ATP2A2: variants seen among roughly 807,000 people sequenced by gnomAD.
The protein encoded by ATP2A2 is ATPase sarcoplasmic/endoplasmic reticulum Ca2+ transporting 2, also known as sarcoplasmic/endoplasmic reticulum calcium ATPase 2.
ATP2A2 carries 14 observed loss-of-function variants against 109.3 expected under a neutral mutation model. The observed-to-expected ratio is 0.13, with a 90% confidence interval of 0.08 to 0.20. The LOEUF (loss-of-function observed/expected upper bound fraction) is 0.20, where lower values mean the gene tolerates loss of function less well. Ranked by LOEUF, ATP2A2 falls within the 10% of genes least tolerant of loss-of-function variation. ATP2A2 has a pLI of 1.00. For synonymous variants in ATP2A2, 506 were observed against 490.9 expected (o/e 1.03, Z -0.41); for missense variants, 657 against 1,321.6 (o/e 0.50, Z 7.80).
rs1431340864 is a variant in ATP2A2 at position 110,328,797 on chromosome 12, G to A, written c.1095+780G>A. Among the ~76,000 whole-genome samples, 6 of 152,092 alleles carry A rather than the reference G, an allele frequency of 3.9e-5. No homozygotes were observed. The South Asian group carries it at 8.3e-4, about 21-fold the overall frequency. ...TCACCAGGCTGGTCTTGAATTCCTG[G>A]GCTCAAGTGATCCTCCTGCCTTGGC... On this transcript the variant is annotated intron_variant, in intron 8 of 19. Transcript: ENST00000539276.
At position 110,345,230 on chromosome 12, in the gene ATP2A2, TGATTG is replaced by T; in HGVS notation, c.2608-14_2608-10del. On this transcript the variant is annotated splice_polypyrimidine_tract_variant and intron_variant, in intron 17 of 19. Coordinates refer to ENST00000539276, the MANE Select transcript of ATP2A2 (RefSeq NM_170665.4). ...GAAATATACTGGGCTGATAGGAATT[TGATTG>T]GATTTTCTTGCAGAGTCATTTCCTA... 1 of 1,614,102 alleles carries T rather than the reference TGATTG, an allele frequency of 6.2e-7. No homozygotes were observed. Among genetic ancestry groups the T allele is most frequent in the South Asian group, 1.1e-5 (1 of 91,072 alleles).
rs922949795 is a variant in ATP2A2, at chr12:110,305,237, G to GA, written c.463+8507dup. Reference sequence around the variant, plus strand: ...GCAAGAGCCACCATGCCCAGCCTAGGAAAAAAACACTTTTAAATTAGCCAG... The same window carrying GA: ...GCAAGAGCCACCATGCCCAGCCTAGGAAAAAAAACACTTTTAAATTAGCCAG... On this transcript the variant is annotated intron_variant, in intron 5 of 19. Coordinates refer to ENST00000539276, the MANE Select transcript of ATP2A2 (RefSeq NM_170665.4). Among the ~76,000 whole-genome samples, 6 of 152,116 alleles carry GA rather than the reference G, an allele frequency of 3.9e-5. No individual in the cohort carries two copies. In the East Asian group the frequency reaches 1.2e-3, roughly 29 times the overall value.
Position 110,294,056 on chromosome 12 carries a change from T to C in ATP2A2, c.324+1932T>C, listed in dbSNP as rs374771939. 9.9e-4 allele frequency among the ~76,000 whole-genome samples: 150 copies of C among 151,402 alleles called. 1 individual carries two copies. The South Asian group carries it at 0.013, about 13-fold the overall frequency. ...CATGCCTGGCTGTTGTTTTTTTTGT[T>C]TTTTTGAGACAGAGTCTCACTCTGT... On this transcript the variant is annotated intron_variant, in intron 4 of 19. Coordinates refer to ENST00000539276, the MANE Select transcript of ATP2A2 (RefSeq NM_170665.4).
chr12:110,281,549 G>C lies in ATP2A2; in HGVS notation c.-241G>C, dbSNP rs1489828372. 2 of 266,530 alleles carry C rather than the reference G, an allele frequency of 7.5e-6. No individual in the cohort carries two copies. The highest frequency in any genetic ancestry group is 1.4e-5 in the Non-Finnish European group (2 of 141,670). 16.5% of individuals were successfully genotyped at this position (266,530 alleles called of 1,614,324 possible). A position where few individuals can be genotyped will look rare whatever the true frequency, so the allele number is the denominator to read the frequency against. On this transcript the variant is annotated 5_prime_UTR_variant, in exon 1 of 20. Transcript: ENST00000539276. ...CCCTCCCTTCTGGCGAGGGGAGGGAGGGTGGGTCAGGAGCCCCCAACCCGC... is the reference window on the plus strand; with the variant it reads ...CCCTCCCTTCTGGCGAGGGGAGGGACGGTGGGTCAGGAGCCCCCAACCCGC...
chr12:110,343,478 T>G, intron 16 of ATP2A2, 44 bp downstream of exon 16: 4 of 1,604,012 alleles, frequency 2.5e-6, no homozygotes, highest in Non-Finnish European at 3.4e-6. Context: ...AACAAAATGT[T>G]TGTGAGCTGA....
intron 11 of ATP2A2, among the ~76,000 whole-genome samples, chr12:110,338,260 T>A (rs1879029126): frequency 1.3e-5 from 2 of 152,184 alleles, no homozygotes; most frequent in Admixed American, 6.5e-5. Flanking sequence ...TAAAAACACT[T>A]CCTTAGATGC....
intron 11 of ATP2A2, 50 bp downstream of exon 11, chr12:110,334,193 A>C: frequency 6.2e-7 from 1 of 1,606,254 alleles, no homozygotes; most frequent in Non-Finnish European, 8.5e-7. Context: ...CAGTCGTACT[A>C]TATATACTTA....
chr12:110,320,037 T>C (rs895415045), intron 5 of ATP2A2, among the ~76,000 whole-genome samples: 4 of 152,188 alleles, frequency 2.6e-5, no homozygotes, highest in Non-Finnish European at 5.9e-5. Flanking sequence ...GGGTAAGGGA[T>C]ACTCAACCTG....
chr12:110,345,566 CT>C, intron 18 of ATP2A2, 184 bp downstream of exon 18: 1 of 940,190 alleles, frequency 1.1e-6, no homozygotes, highest in Non-Finnish European at 1.6e-6. Flanking sequence ...AGTGGGAGTG[CT>C]TAGCCCTGTG....
intron 5 of ATP2A2, among the ~76,000 whole-genome samples, chr12:110,309,908 CAAA>C (rs58660341): frequency 1.3e-4 from 18 of 135,722 alleles, no homozygotes; most frequent in Non-Finnish European, 1.9e-4. Context: ...GACCCTGACT[CAAA>C]AAAAAAAAAA....
chr12:110,286,112 T>C (rs1273970765), intron 3 of ATP2A2, among the ~76,000 whole-genome samples: 1 of 151,992 alleles, frequency 6.6e-6, no homozygotes, highest in Non-Finnish European at 1.5e-5. Context: ...TTAGTAGAGA[T>C]GGGGTTTACC....
Position 110,346,419 on chromosome 12 carries a change from G to C in ATP2A2, c.3078G>C (p.Val1026=). The C allele has an allele frequency of 6.2e-7, 1 of 1,614,226 alleles. No individual in the cohort carries two copies. Among genetic ancestry groups the C allele is most frequent in the Non-Finnish European group, 8.5e-7 (1 of 1,180,042 alleles). The part of the protein sequence containing the change: ...WPFVLLIMPL[V]IWVYSTDTNF... ...TTGTGCTGCTCATAATGCCCCTGGT[G>C]ATCTGGGTCTATAGCACAGACACTA... The change falls in exon 20 of 20, where the codon GTG becomes GTC. Residue 1026 remains valine, a synonymous_variant. Coordinates refer to ENST00000539276, the MANE Select transcript of ATP2A2 (RefSeq NM_170665.4).
rs368310194 is a variant in ATP2A2, at chr12:110,333,183, A to G, written c.1187A>G (p.His396Arg). ...AAGAGTGTTTTCTCTTTGGGCAGGC[A>G]TAAAGATGATAAACCAGTGAATTGT... ...GSTYAPIGEV[H>R]KDDKPVNCHQ... is the part of the protein sequence containing the mutation. Residue 396 changes from histidine to arginine, a missense_variant and splice_region_variant, in exon 10 of 20, where the codon CAT becomes CGT. His to Arg is a conservative substitution (Grantham distance 29, BLOSUM62 0). Coordinates refer to ENST00000539276, the MANE Select transcript of ATP2A2 (RefSeq NM_170665.4). 5.6e-6 allele frequency: 9 copies of G among 1,613,092 alleles called. No homozygotes were observed. The African/African-American group carries it at 1.1e-4, about 19-fold the overall frequency.
intron 4 of ATP2A2, among the ~76,000 whole-genome samples, chr12:110,293,940 G>A (rs141317973): frequency 0.059 from 8,057 of 137,190 alleles, 310 homozygotes; most frequent in South Asian, 0.16. Flanking sequence ...GCAGTGGTGT[G>A]ATTTTGGCTC....
chr12:110,289,741 A>T (rs559101130), intron 3 of ATP2A2, among the ~76,000 whole-genome samples: 2 of 152,176 alleles, frequency 1.3e-5, no homozygotes, highest in African/African-American at 2.4e-5. Context: ...TTTTTTAATT[A>T]AAAAAAATTC....
chr12:110,293,418 G>A (rs1166527626), intron 4 of ATP2A2, among the ~76,000 whole-genome samples: 1 of 120,996 alleles, frequency 8.3e-6, no homozygotes, highest in East Asian at 2.6e-4. Flanking sequence ...TGTTTTGACC[G>A]ACTTTCACTC....
chr12:110,287,649 C>T (rs1424669898), intron 3 of ATP2A2, among the ~76,000 whole-genome samples: 3 of 152,152 alleles, frequency 2.0e-5, no homozygotes, highest in African/African-American at 2.4e-5. Context: ...GAGTCCTGCT[C>T]TGTCGCCCAG....
rs370111168 is a variant in ATP2A2 at position 110,349,860 on chromosome 12, A to G, written c.*3390A>G. ...AGGAGTTTCCTCTCCAGGGCTAGGC[A>G]AGGCAGGCGAGCAGCCAGAAGCCGG... On this transcript the variant is annotated 3_prime_UTR_variant, in exon 20 of 20. Transcript: ENST00000539276. 5.7e-6 allele frequency: 6 copies of G among 1,054,272 alleles called. No individual in the cohort carries two copies. The East Asian group carries it at 2.3e-4, about 40-fold the overall frequency. The allele number at this position is 1,054,272 out of a possible 1,614,324, so 65.3% of individuals were successfully genotyped here.
chr12:110,323,771 G>A (rs1314494034), intron 6 of ATP2A2, among the ~76,000 whole-genome samples: 1 of 152,190 alleles, frequency 6.6e-6, no homozygotes, highest in Non-Finnish European at 1.5e-5. Context: ...CAGCCTGGGG[G>A]ACAGAGCAAG....
Sources: allele counts gnomAD v4.1 joint callset (sites outside exome capture counted in the v4.1 genomes callset), GRCh38; gene constraint gnomAD v4.1.1; transcripts MANE v1.5; gene names NCBI Gene and HGNC (gene_info 2026-07-23, HGNC 2026-07-21).